LRFN5: variants seen among roughly 807,000 people sequenced by gnomAD.
LRFN5 encodes the protein leucine rich repeat and fibronectin type III domain containing 5, also known as leucine-rich repeat and fibronectin type-III domain-containing protein 5.
A neutral mutation model predicts 45.6 loss-of-function variants in LRFN5; 24 were observed. That is an observed-to-expected ratio of 0.53 (90% CI 0.38 to 0.74). LRFN5 has a LOEUF of 0.74. LRFN5 is among the 30% of genes least tolerant of loss of function. LRFN5 has a pLI of 0.00. For missense variants in LRFN5, 776 were observed against 861.5 expected, an observed-to-expected ratio of 0.90 and a Z score of 1.24; for synonymous variants, 340 against 313.8, an observed-to-expected ratio of 1.08 and a Z score of -0.88.
In LRFN5 at chr14:41,889,217, A is replaced by G. The variant is rs559740060; in HGVS notation, c.1385+1207A>G. On this transcript the variant is annotated intron_variant, in intron 3 of 5. Coordinates refer to ENST00000298119, the MANE Select transcript of LRFN5 (RefSeq NM_152447.5). ...CAATATAATTGATTTTCATTCCTGT[A>G]TGGAAATGAGAGTAATTTTTTTTTA... is the stretch of plus-strand genomic sequence containing the variant. Among the ~76,000 whole-genome samples, 40 of 151,562 alleles carry G rather than the reference A, an allele frequency of 2.6e-4. No homozygotes were observed. The South Asian group carries it at 7.7e-3, about 29-fold the overall frequency.
chr14:41,678,655 C>T (rs1212730927), intron 1 of LRFN5, among the ~76,000 whole-genome samples: 2 of 152,042 alleles, frequency 1.3e-5, no homozygotes, highest in Admixed American at 6.5e-5. Flanking sequence ...AAACTAGTCT[C>T]AATAAATTTA....
intron 1 of LRFN5, among the ~76,000 whole-genome samples, chr14:41,660,420 C>T (rs1251560464): frequency 2.6e-5 from 4 of 151,974 alleles, no homozygotes; most frequent in East Asian, 1.9e-4. Flanking sequence ...AGTAGTTATG[C>T]GATGGATTAC....
At chr14:41,657,072 T>A (rs774640169) in intron 1 of LRFN5, among the ~76,000 whole-genome samples, 15 of 151,868 alleles carry the variant, frequency 9.9e-5, no homozygotes, top group Non-Finnish European at 1.8e-4. Context: ...AGTCATAGGA[T>A]CATTTGTTTT....
intron 2 of LRFN5, among the ~76,000 whole-genome samples, chr14:41,804,218 C>A (rs1008210065): frequency 2.7e-5 from 4 of 146,302 alleles, no homozygotes; most frequent in African/African-American, 1.0e-4. Context: ...TAGAGTTTTT[C>A]AAAGAGTTTG....
intron 2 of LRFN5, among the ~76,000 whole-genome samples, chr14:41,777,169 A>G (rs193131528): frequency 8.6e-5 from 13 of 151,958 alleles, no homozygotes; most frequent in African/African-American, 2.9e-4. Context: ...TGCCTTGCCT[A>G]ATGTTGATTT....
intron 2 of LRFN5, among the ~76,000 whole-genome samples, chr14:41,828,079 G>A (rs1321261712): frequency 6.6e-6 from 1 of 151,982 alleles, no homozygotes; most frequent in Non-Finnish European, 1.5e-5. Flanking sequence ...TCATGAAACT[G>A]AAGTAAGTTA....
At position 41,752,124 on chromosome 14, in the gene LRFN5, A is replaced by G. The variant is rs1364224330; in HGVS notation, c.-196-14730A>G. 4.6e-5 allele frequency among the ~76,000 whole-genome samples: 7 copies of G among 152,192 alleles called. No homozygotes were observed. The East Asian group carries it at 1.2e-3, about 25-fold the overall frequency. ...ATTTTTTATGGCTGCATAGTATTCCATAGTGTATATGTGCCACATTTTCTT... is the reference window on the plus strand; with the variant it reads ...ATTTTTTATGGCTGCATAGTATTCCGTAGTGTATATGTGCCACATTTTCTT... On this transcript the variant is annotated intron_variant, in intron 1 of 5. Coordinates refer to ENST00000298119, the MANE Select transcript of LRFN5 (RefSeq NM_152447.5).
In LRFN5 at chr14:41,891,411, G is replaced by T. The variant is rs762030966; in HGVS notation, c.1547G>T (p.Arg516Leu). ...TTTACTACGGAACAGGATTATGTGC[G>T]TTGCCATTTCATGCAGTCTCAGTTT... is the stretch of plus-strand genomic sequence containing the variant. Reference protein sequence around the residue: ...IQFTTEQDYVRCHFMQSQFLG... With the variant: ...IQFTTEQDYVLCHFMQSQFLG... Residue 516 changes from arginine (R) to leucine (L), a missense_variant, in exon 4 of 6, where the codon CGT becomes CTT. Arg to Leu is a moderately radical substitution (Grantham distance 102). This residue lies in a region of LRFN5 where 465 missense variants were observed against 456.4 expected (regional missense o/e 1.02). Coordinates refer to ENST00000298119, the MANE Select transcript of LRFN5 (RefSeq NM_152447.5). The T allele has an allele frequency of 6.2e-7, 1 of 1,614,050 alleles. No homozygotes were observed. Among genetic ancestry groups the T allele is most frequent in the Non-Finnish European group, 8.5e-7 (1 of 1,180,016 alleles).
At chr14:41,840,897 A>G (rs531243416) in intron 2 of LRFN5, among the ~76,000 whole-genome samples, 2 of 152,004 alleles carry the variant, frequency 1.3e-5, no homozygotes, top group South Asian at 2.1e-4. Flanking sequence ...TCAAATATGA[A>G]TCTACACAGG....
In LRFN5 at chr14:41,904,007, G is replaced by A. The variant is rs1293888835; in HGVS notation, c.2143-151G>A. Reference sequence around the variant, plus strand: ...ATGCATGTTTAGATAGTTTTCATGGGTGTGTGCTGTATTTCATGGCAAGCA... The same window carrying A: ...ATGCATGTTTAGATAGTTTTCATGGATGTGTGCTGTATTTCATGGCAAGCA... On this transcript the variant is annotated intron_variant, in intron 5 of 5. Transcript: ENST00000298119. 6.7e-6 allele frequency: 4 copies of A among 597,814 alleles called. No individual in the cohort carries two copies. In the African/African-American group the frequency reaches 7.5e-5, roughly 11 times the overall value. 37.0% of individuals were successfully genotyped at this position (597,814 alleles called of 1,614,324 possible).
intron 2 of LRFN5, among the ~76,000 whole-genome samples, chr14:41,840,420 G>A (rs4143895): frequency 0.24 from 36,817 of 151,852 alleles, 4,816 homozygotes; most frequent in Middle Eastern, 0.34. Flanking sequence ...GGCTATTTAG[G>A]CAACAGTGCC....
Position 41,741,469 on chromosome 14 carries a change from G to A in LRFN5, c.-196-25385G>A, listed in dbSNP as rs1884687095. On this transcript the variant is annotated intron_variant, in intron 1 of 5. Transcript: ENST00000298119. ...GAAAAGACAATCACTTCAATAAATG[G>A]TGTTGACAAAACTTTATATCCACAT... 2.0e-5 allele frequency among the ~76,000 whole-genome samples: 3 copies of A among 151,720 alleles called. No homozygotes were observed. The Admixed American group carries it at 2.0e-4, about 10-fold the overall frequency.
intron 2 of LRFN5, among the ~76,000 whole-genome samples, chr14:41,774,192 G>GAT (rs1481151844): frequency 6.6e-6 from 1 of 152,200 alleles, no homozygotes; most frequent in African/African-American, 2.4e-5. Flanking sequence ...CATTGGCTAT[G>GAT]AAAACCAATG....
chr14:41,766,879 G>A lies in LRFN5; in HGVS notation c.-171G>A, dbSNP rs1885903025. On this transcript the variant is annotated 5_prime_UTR_variant, in exon 2 of 6. Coordinates refer to ENST00000298119, the MANE Select transcript of LRFN5 (RefSeq NM_152447.5). ...AATCCCTGTAACCATTCATCCAGGT[G>A]TTGAGAAGATATGTAGCAGCCGAGC... 1 of 152,568 alleles carries A rather than the reference G, an allele frequency of 6.6e-6. No homozygotes were observed. Among genetic ancestry groups the A allele is most frequent in the Non-Finnish European group, 1.5e-5 (1 of 68,038 alleles). The allele number at this position is 152,568 out of a possible 1,614,324, so 9.5% of individuals were successfully genotyped here. A position where few individuals can be genotyped will look rare whatever the true frequency, so the allele number is the denominator to read the frequency against.
At chr14:41,663,015 T>C (rs1052286785) in intron 1 of LRFN5, among the ~76,000 whole-genome samples, 1 of 152,072 alleles carries the variant, frequency 6.6e-6, no homozygotes, top group Non-Finnish European at 1.5e-5. Context: ...CCACCACTAC[T>C]ACTAAAAATA....
chr14:41,637,735 G>T (rs1879374251), intron 1 of LRFN5, among the ~76,000 whole-genome samples: 1 of 152,250 alleles, frequency 6.6e-6, no homozygotes, highest in East Asian at 1.9e-4. Flanking sequence ...CTAAGGATAA[G>T]TCTAAAAAGT....
chr14:41,774,284 G>A (rs1401005838), intron 2 of LRFN5, among the ~76,000 whole-genome samples: 1 of 152,104 alleles, frequency 6.6e-6, no homozygotes, highest in Non-Finnish European at 1.5e-5. Context: ...TGAATGTGCA[G>A]TTGATCTCCA....
chr14:41,820,888 C>T (rs552106830), intron 2 of LRFN5, among the ~76,000 whole-genome samples: 2 of 152,010 alleles, frequency 1.3e-5, no homozygotes, highest in East Asian at 3.9e-4. Context: ...ATAAATGGAG[C>T]AGAGTTATTG....
chr14:41,705,659 A>G (rs1047078611), intron 1 of LRFN5, among the ~76,000 whole-genome samples: 34 of 152,206 alleles, frequency 2.2e-4, no homozygotes, highest in African/African-American at 8.2e-4. Flanking sequence ...ATCATACTCT[A>G]TCCCTACTCA....
Sources: gnomAD v4.1 joint callset for allele counts (sites outside exome capture counted in the v4.1 genomes callset) on GRCh38, gnomAD v4.1.1 for gene constraint, gnomAD v4.1.1 regional missense constraint, MANE v1.5 for transcripts, NCBI Gene and HGNC (gene_info 2026-07-23, HGNC 2026-07-21) for gene names.